SPEN: variants seen among roughly 807,000 people sequenced by gnomAD.
SPEN encodes the protein msx2-interacting protein.
In SPEN, 18 loss-of-function variants were observed where a neutral mutation model predicts 269.9. That is an observed-to-expected ratio of 0.07 (90% CI 0.05 to 0.10). The LOEUF (loss-of-function observed/expected upper bound fraction) is 0.10, where lower values mean the gene tolerates loss of function less well. Ranked by LOEUF, SPEN falls within the 10% of genes least tolerant of loss-of-function variation. The pLI, the probability that SPEN is intolerant of heterozygous loss-of-function variation, is 1.00. For missense variants in SPEN, 3,822 were observed against 4,631.2 expected (o/e 0.83, Z 5.07); for synonymous variants, 1,726 against 1,765.7 (o/e 0.98, Z 0.56).
At chr1:15,858,154 A>C (rs544334993) in intron 1 of SPEN, among the ~76,000 whole-genome samples, 7 of 151,064 alleles carry the variant, frequency 4.6e-5, no homozygotes, top group African/African-American at 1.7e-4. Flanking sequence ...AGGTCTCACT[A>C]TGTTGCCTAG....
intron 1 of SPEN, among the ~76,000 whole-genome samples, chr1:15,868,355 C>G (rs1394372209): frequency 6.6e-6 from 1 of 151,510 alleles, no homozygotes; most frequent in Non-Finnish European, 1.5e-5. Context: ...TAGGAGTTCC[C>G]TATCAGAGAT....
rs554633241 is a variant in SPEN at position 15,935,183 on chromosome 1, G to A, written c.8943G>A (p.Thr2981=). 62 of 1,613,750 alleles carry A rather than the reference G, an allele frequency of 3.8e-5. No individual in the cohort carries two copies. Among genetic ancestry groups the A allele is most frequent in the Admixed American group, 8.3e-5 (5 of 59,980 alleles). ...TTCAGCCGGCCAACCTGGGGTCCACGCTCACGCCCCACCACCCTCCTGCTC... is the reference window on the plus strand; with the variant it reads ...TTCAGCCGGCCAACCTGGGGTCCACACTCACGCCCCACCACCCTCCTGCTC... ...KVLQPANLGS[T]LTPHHPPALP... Residue 2981 remains threonine, a synonymous_variant, in exon 11 of 15, where the codon ACG becomes ACA. Transcript: ENST00000375759. The surrounding 1 kb of genome is among the most constrained non-coding windows in gnomAD (Gnocchi z 7.7).
At chr1:15,860,442 A>AGTGTGTGTGTGT (rs71574142) in intron 1 of SPEN, among the ~76,000 whole-genome samples, 9 of 120,032 alleles carry the variant, frequency 7.5e-5, no homozygotes, top group African/African-American at 2.2e-4. Context: ...GTCCCACTGT[A>AGTGTGTGTGTGT]GTGTGTGTGT....
Position 15,938,834 on chromosome 1 carries a change from G to A in SPEN, c.10821G>A (p.Gln3607=). 1 of 1,614,096 alleles carries A rather than the reference G, an allele frequency of 6.2e-7. No homozygotes were observed. Among genetic ancestry groups the A allele is most frequent in the South Asian group, 1.1e-5 (1 of 91,084 alleles). The change falls in exon 14 of 15, where the codon CAG becomes CAA. Residue 3607 remains glutamine, a synonymous_variant. Transcript: ENST00000375759. ...TCATCACTTACCTGCAGGCCAAGCAGGCGGCAGGGATCATCAACGTTCCCA... is the reference window on the plus strand; with the variant it reads ...TCATCACTTACCTGCAGGCCAAGCAAGCGGCAGGGATCATCAACGTTCCCA... ...AAFITYLQAK[Q]AAGIINVPNP...
chr1:15,937,220 C>T lies in SPEN; in HGVS notation c.10084C>T (p.Pro3362Ser), dbSNP rs2148744767. 1 of 1,613,642 alleles carries T rather than the reference C, an allele frequency of 6.2e-7. No homozygotes were observed. Among genetic ancestry groups the T allele is most frequent in the East Asian group, 2.2e-5 (1 of 44,842 alleles). ...TCCTCAGCCTGTGCAGTCCACACAG[C>T]CTGCCCAGCCTGCACCACCCTGCCC... ...QPPQPVQSTQ[P>S]AQPAPPCPPS... The change falls in exon 12 of 15, where the codon CCT (proline) becomes TCT (serine). Residue 3362 changes from proline (P) to serine (S), a missense_variant. Pro to Ser is a moderately conservative substitution (Grantham distance 74). Around this residue, in one of 16 missense-constraint regions of SPEN, gnomAD observed 359 missense variants for 377.3 expected, o/e 0.95. Coordinates refer to ENST00000375759, the MANE Select transcript of SPEN (RefSeq NM_015001.3). The surrounding 1 kb of genome is among the most constrained non-coding windows in gnomAD (Gnocchi z 5.7).
At position 15,928,596 on chromosome 1, in the gene SPEN, A is replaced by G. The variant is rs2071191444; in HGVS notation, c.2356A>G (p.Thr786Ala). 1 of 1,614,052 alleles carries G rather than the reference A, an allele frequency of 6.2e-7. No individual in the cohort carries two copies. The highest frequency in any genetic ancestry group is 1.1e-5 in the South Asian group (1 of 91,096). ...GGACAAGTCTCGTTTGGAGCGCTAT[A>G]CAAAAAATGAAAAGACAGATAAAGA... ...KLDKSRLERY[T>A]KNEKTDKERT... is the part of the protein sequence containing the mutation. The change falls in exon 11 of 15, where the codon ACA becomes GCA. Residue 786 changes from threonine to alanine, a missense_variant. Thr to Ala is a moderately conservative substitution (Grantham distance 58). Around this residue, in one of 16 missense-constraint regions of SPEN, gnomAD observed 572 missense variants for 582.6 expected, o/e 0.98. Transcript: ENST00000375759. This position sits in a 1 kb window ranked among gnomAD's most constrained non-coding sequence, Gnocchi z 5.7.
intron 3 of SPEN, among the ~76,000 whole-genome samples, chr1:15,888,582 C>T (rs1403405603): frequency 1.3e-5 from 2 of 151,926 alleles, no homozygotes; most frequent in East Asian, 3.9e-4. Context: ...GCTTTGCCTC[C>T]CAAAGTGCTG....
intron 3 of SPEN, among the ~76,000 whole-genome samples, chr1:15,878,088 A>G (rs937396944): frequency 6.6e-6 from 1 of 152,094 alleles, no homozygotes; most frequent in African/African-American, 2.4e-5. Flanking sequence ...AGTTATTGTG[A>G]AAATTAAAAT....
At position 15,874,360 on chromosome 1, in the gene SPEN, T is replaced by C. The variant is rs765906981; in HGVS notation, c.404+1224T>C. The C allele has an allele frequency of 5.9e-6, 8 of 1,366,246 alleles. No individual in the cohort carries two copies. In the Admixed American group the frequency reaches 9.5e-5, roughly 16 times the overall value. 84.6% of individuals were successfully genotyped at this position (1,366,246 alleles called of 1,614,324 possible). The stretch of plus-strand genomic sequence containing the variant: ...TTCACAATTCTCTCCCTAGATTTAA[T>C]TGGGATTATAGGTCGTGTTTCCACA... On this transcript the variant is annotated intron_variant, in intron 2 of 14. Transcript: ENST00000375759.
intron 3 of SPEN, among the ~76,000 whole-genome samples, chr1:15,877,971 C>G (rs1242983946): frequency 6.6e-6 from 1 of 152,042 alleles, no homozygotes; most frequent in Non-Finnish European, 1.5e-5. Flanking sequence ...TCTCTAACTC[C>G]TGACCTCAGG....
intron 3 of SPEN, among the ~76,000 whole-genome samples, chr1:15,895,356 C>G (rs1394574520): frequency 6.6e-6 from 1 of 152,204 alleles, no homozygotes; most frequent in Non-Finnish European, 1.5e-5. Context: ...GACTACTGTT[C>G]TGCTTTCTGT....
In SPEN at chr1:15,916,186, C is replaced by G; in HGVS notation, c.1302C>G (p.Pro434=). The change falls in exon 6 of 15, where the codon CCC becomes CCG. Residue 434 remains proline (P), a synonymous_variant. Transcript: ENST00000375759. ...PLDERIDEFH[P]KATRTLFIGN... is the part of the protein sequence containing the mutation. ...ATGAAAGGATAGATGAATTTCACCC[C>G]AAAGCAACAAGAACTCTCTTTATTG... 1 of 1,613,540 alleles carries G rather than the reference C, an allele frequency of 6.2e-7. No individual in the cohort carries two copies. Among genetic ancestry groups the G allele is most frequent in the Non-Finnish European group, 8.5e-7 (1 of 1,179,826 alleles).
chr1:15,937,302 C>G lies in SPEN; in HGVS notation c.10166C>G (p.Ser3389Cys), dbSNP rs528449671. Residue 3389 changes from serine to cysteine, a missense_variant, in exon 12 of 15, where the codon TCC becomes TGC. Physicochemically the swap from Ser to Cys is moderately radical, Grantham distance 112. Coordinates refer to ENST00000375759, the MANE Select transcript of SPEN (RefSeq NM_015001.3). This position sits in a 1 kb window ranked among gnomAD's most constrained non-coding sequence, Gnocchi z 5.7. Reference sequence around the variant, plus strand: ...CCAAGCAGCAAGATGCCTCAAGTGTCCCAGGAGGCAAAGGGGACCCAGACG... The same window carrying G: ...CCAAGCAGCAAGATGCCTCAAGTGTGCCAGGAGGCAAAGGGGACCCAGACG... ...QPPSSKMPQV[S>C]QEAKGTQTGV... 3.5e-5 allele frequency: 56 copies of G among 1,613,772 alleles called. No homozygotes were observed. Among genetic ancestry groups the G allele is most frequent in the Non-Finnish European group, 4.7e-5 (55 of 1,179,984 alleles).
At chr1:15,882,856 C>T (rs1186499301) in intron 3 of SPEN, among the ~76,000 whole-genome samples, 2 of 152,148 alleles carry the variant, frequency 1.3e-5, no homozygotes, top group Non-Finnish European at 2.9e-5. Context: ...TTGGTAGGCC[C>T]TCATGGCTCT....
intron 3 of SPEN, among the ~76,000 whole-genome samples, chr1:15,900,586 T>C (rs2070890470): frequency 6.6e-6 from 1 of 152,218 alleles, no homozygotes; most frequent in Non-Finnish European, 1.5e-5. Flanking sequence ...CTCAGCTTCT[T>C]CTTGAGGAAG....
At chr1:15,890,528 C>A (rs1046021301) in intron 3 of SPEN, among the ~76,000 whole-genome samples, 1 of 150,350 alleles carries the variant, frequency 6.7e-6, no homozygotes, top group African/African-American at 2.5e-5. Flanking sequence ...CCGTGCCCGG[C>A]CTGGTTGATA....
At chr1:15,871,782 C>T (rs974295339) in intron 1 of SPEN, among the ~76,000 whole-genome samples, 4 of 152,032 alleles carry the variant, frequency 2.6e-5, no homozygotes, top group African/African-American at 9.7e-5. Flanking sequence ...TTTTCCAGTA[C>T]GATTGTCACT....
chr1:15,938,275 C>A (rs541124507), intron 13 of SPEN, among the ~76,000 whole-genome samples: 1 of 152,266 alleles, frequency 6.6e-6, no homozygotes, highest in East Asian at 1.9e-4. Context: ...CCACCATGCC[C>A]AGCTAATTTT....
rs372339765 is a variant in SPEN, at chr1:15,851,835, T to C, written c.83+3685T>C. Among the ~76,000 whole-genome samples, 116 of 152,172 alleles carry C rather than the reference T, an allele frequency of 7.6e-4. 1 individual carries two copies. The South Asian group carries it at 0.023, about 30-fold the overall frequency. ...CCGTCTCTACTAAAATACAAAAAAT[T>C]AGCCAGGTGTGGTGGTGTGCATCTG... On this transcript the variant is annotated intron_variant, in intron 1 of 14. Coordinates refer to ENST00000375759, the MANE Select transcript of SPEN (RefSeq NM_015001.3).
Sources: gnomAD v4.1 joint callset for allele counts (sites outside exome capture counted in the v4.1 genomes callset) on GRCh38, gnomAD v4.1.1 for gene constraint, gnomAD v4.1.1 regional missense constraint, Gnocchi (gnomAD v3.1) non-coding constraint, MANE v1.5 for transcripts, NCBI Gene and HGNC (gene_info 2026-07-23, HGNC 2026-07-21) for gene names.